The following ANO1 variants were observed in gnomAD, a reference collection of about 807,000 sequenced individuals.
ANO1 encodes anoctamin-1.
Under a neutral mutation model 124.0 loss-of-function variants are expected in ANO1, and 59 were observed. The ratio of observed to expected loss-of-function variants is 0.48; its 90% CI spans 0.39 to 0.59. The LOEUF (loss-of-function observed/expected upper bound fraction) is 0.59, where lower values mean the gene tolerates loss of function less well. Ranked by LOEUF, ANO1 falls within the 20% of genes least tolerant of loss-of-function variation. The pLI is 0.00. For missense variants in ANO1, 1,059 were observed against 1,328.0 expected, an observed-to-expected ratio of 0.80 and a Z score of 3.15; for synonymous variants, 529 against 532.0, an observed-to-expected ratio of 0.99 and a Z score of 0.08.
chr11:70,153,194 C>T, intron 14 of ANO1, 66 bp downstream of exon 14: 1 of 1,372,240 alleles, frequency 7.3e-7, no homozygotes, highest in Non-Finnish European at 1.0e-6. Flanking sequence ...CCATGTAGAC[C>T]TGGGATCAGC....
At chr11:70,051,237 G>A (rs1591057990) in intron 1 of ANO1, among the ~76,000 whole-genome samples, 2 of 152,272 alleles carry the variant, frequency 1.3e-5, no homozygotes, top group Admixed American at 1.3e-4. Flanking sequence ...TTGAATTCAG[G>A]TGGAAGCAAG....
At chr11:70,143,539 C>T (rs1412455187) in intron 11 of ANO1, among the ~76,000 whole-genome samples, 2 of 152,162 alleles carry the variant, frequency 1.3e-5, no homozygotes, top group African/African-American at 4.8e-5. Context: ...CAGATGCCTG[C>T]TGGCAGCCTA....
chr11:70,059,415 G>A (rs1391257375), intron 1 of ANO1, among the ~76,000 whole-genome samples: 1 of 152,030 alleles, frequency 6.6e-6, no homozygotes, highest in Non-Finnish European at 1.5e-5. Context: ...GCCAAGTCGG[G>A]GAATTATATC....
At chr11:69,986,730 C>A (rs575828956) in intron 1 of ANO1, among the ~76,000 whole-genome samples, 1 of 152,156 alleles carries the variant, frequency 6.6e-6, no homozygotes, top group Non-Finnish European at 1.5e-5. Context: ...TTCCTCCCCC[C>A]TGGCTGCACA....
intron 10 of ANO1, among the ~76,000 whole-genome samples, chr11:70,128,846 C>G (rs936982078): frequency 6.6e-6 from 1 of 152,204 alleles, no homozygotes; most frequent in African/African-American, 2.4e-5. Flanking sequence ...GGTGTTTGTG[C>G]GAGAAGCTGA....
chr11:69,969,137 C>A, the ANO1 span, among the ~76,000 whole-genome samples: 1 of 152,158 alleles, frequency 6.6e-6, no homozygotes, highest in African/African-American at 2.4e-5. Flanking sequence ...TAGACAGCCA[C>A]GGGACTGCAA....
Position 70,020,908 on chromosome 11 carries a change from C to T in ANO1, c.58+34742C>T, listed in dbSNP as rs1856794283. 4 of 152,258 alleles carry T rather than the reference C, an allele frequency of 2.6e-5. No homozygotes were observed. The South Asian group carries it at 8.3e-4, about 32-fold the overall frequency. 9.4% of individuals were successfully genotyped at this position (152,258 alleles called of 1,614,324 possible). ...CTTTTTAGAAAAACAGGCCCAGTGACCATTCAGCCTCTCATTCGTAGTCAT... is the reference window on the plus strand; with the variant it reads ...CTTTTTAGAAAAACAGGCCCAGTGATCATTCAGCCTCTCATTCGTAGTCAT... On this transcript the variant is annotated intron_variant, in intron 1 of 27. Transcript: ENST00000531349.
intron 1 of ANO1, among the ~76,000 whole-genome samples, chr11:70,063,061 C>G (rs1401864884): frequency 1.3e-5 from 2 of 152,122 alleles, no homozygotes; most frequent in African/African-American, 2.4e-5. Flanking sequence ...TCTTGAGTAG[C>G]TGGGACTACA....
At chr11:70,046,935 G>T (rs1399219610) in intron 1 of ANO1, among the ~76,000 whole-genome samples, 1 of 151,752 alleles carries the variant, frequency 6.6e-6, no homozygotes, top group Non-Finnish European at 1.5e-5. Context: ...ATAAGAATTA[G>T]CCAGGCCTGG....
At chr11:70,153,597 G>C (rs1414335838) in intron 14 of ANO1, among the ~76,000 whole-genome samples, 1 of 152,186 alleles carries the variant, frequency 6.6e-6, no homozygotes, top group Middle Eastern at 3.2e-3. Context: ...GTTTCACTCA[G>C]ACTGTGAGAA....
At chr11:70,093,540 G>A (rs2044721684) in intron 2 of ANO1, among the ~76,000 whole-genome samples, 1 of 152,210 alleles carries the variant, frequency 6.6e-6, no homozygotes, top group Non-Finnish European at 1.5e-5. Flanking sequence ...GTGCTGGGGG[G>A]CGGCTGAGGC....
chr11:69,994,598 A>G (rs902867), intron 1 of ANO1, among the ~76,000 whole-genome samples: 128,613 of 152,196 alleles, frequency 0.85, 55,086 homozygotes, highest in East Asian at 0.98. Flanking sequence ...AGAAAAGCTC[A>G]GTGCTAACTC....
rs749856843 is a variant in ANO1 at position 70,161,362 on chromosome 11, G to A, written c.1780G>A (p.Glu594Lys). ...GCIARWLTKI[E>K]VPKTEKSFEE... ...CATAGCCCGATGGCTCACCAAGATC[G>A]GTGAGTGCCCATGTTCCAGGTACTG... is the stretch of plus-strand genomic sequence containing the variant. The change falls in exon 17 of 26, where the codon GAG becomes AAG. Residue 594 changes from glutamate to lysine, a missense_variant and splice_region_variant. By Grantham distance (56) the Glu-to-Lys change is moderately conservative (BLOSUM62 1). This residue lies in a region of ANO1 where 809 missense variants were observed against 1,094.9 expected (regional missense o/e 0.74). Transcript: ENST00000355303. 11 of 1,613,610 alleles carry A rather than the reference G, an allele frequency of 6.8e-6. No homozygotes were observed. Among genetic ancestry groups the A allele is most frequent in the African/African-American group, 1.3e-5 (1 of 74,940 alleles).
chr11:70,046,776 A>G (rs1857266037), intron 1 of ANO1, among the ~76,000 whole-genome samples: 1 of 152,090 alleles, frequency 6.6e-6, no homozygotes, highest in African/African-American at 2.4e-5. Context: ...GGATCCTGGA[A>G]AGAAAAAGGA....
At chr11:70,129,343 A>G (rs1052103509) in intron 10 of ANO1, 16 of 152,222 alleles carry the variant, frequency 1.1e-4, no homozygotes, top group African/African-American at 3.6e-4. Context: ...CTGACAACCT[A>G]TTAACACGGC....
In ANO1 at chr11:70,078,599, C is replaced by G; in HGVS notation, c.-8C>G. 1 of 1,473,066 alleles carries G rather than the reference C, an allele frequency of 6.8e-7. No homozygotes were observed. Among genetic ancestry groups the G allele is most frequent in the Non-Finnish European group, 9.1e-7 (1 of 1,101,106 alleles). 91.2% of individuals were successfully genotyped at this position (1,473,066 alleles called of 1,614,324 possible). ...CCGCCCGGCGGTCCCAGCGCACAGG[C>G]GGCCACGATGAGGGTCAACGAGAAG... On this transcript the variant is annotated 5_prime_UTR_variant, in exon 1 of 26. Transcript: ENST00000355303.
intron 4 of ANO1, among the ~76,000 whole-genome samples, chr11:70,105,029 A>G (rs2045452869): frequency 6.6e-6 from 1 of 152,122 alleles, no homozygotes; most frequent in Admixed American, 6.5e-5. Context: ...CTCCAGATCC[A>G]GAACAGGGGC....
intron 1 of ANO1, among the ~76,000 whole-genome samples, chr11:70,061,502 C>T (rs1233259365): frequency 3.4e-5 from 5 of 144,930 alleles, no homozygotes; most frequent in African/African-American, 1.3e-4. Flanking sequence ...CTCTTTCTCT[C>T]TCTCTCCCCT....
At chr11:70,116,174 G>A (rs1354164452) in intron 7 of ANO1, among the ~76,000 whole-genome samples, 2 of 152,152 alleles carry the variant, frequency 1.3e-5, no homozygotes, top group Non-Finnish European at 2.9e-5. Flanking sequence ...GGACCCGACC[G>A]TGGATCCTCT....
Sources: gnomAD v4.1 joint callset for allele counts (sites outside exome capture counted in the v4.1 genomes callset) on GRCh38, gnomAD v4.1.1 for gene constraint, gnomAD v4.1.1 regional missense constraint, MANE v1.5 for transcripts, NCBI Gene and HGNC (gene_info 2026-07-23, HGNC 2026-07-21) for gene names.